Variants in ADGRV1 observed in about 807,000 individuals in gnomAD.
The protein encoded by ADGRV1 is adhesion G protein-coupled receptor V1.
In ADGRV1, 359 loss-of-function variants were observed where a neutral mutation model predicts 596.2. The observed-to-expected ratio is 0.60, with a 90% CI of 0.55 to 0.66. The LOEUF is 0.66. Among genes scored for constraint, ADGRV1 ranks in the 30% least tolerant of loss-of-function variants. The pLI is 0.00. For missense variants in ADGRV1, 7,274 were observed against 7,575.6 expected (o/e 0.96, Z 1.48); for synonymous variants, 2,681 against 2,679.2 (o/e 1.00, Z -0.02).
rs538750050 is a variant in ADGRV1, at chr5:91,031,403, G to A, written c.18153-41044G>A. ...TCTGCATGCTCTGTGCCATGGTCCC[G>A]AAAACCTTCCTGTTCCCATGGCCAG... On this transcript the variant is annotated intron_variant, in intron 85 of 89. Coordinates refer to ENST00000405460, the MANE Select transcript of ADGRV1 (RefSeq NM_032119.4). The A allele has an allele frequency of 3.2e-5, 31 of 970,794 alleles. No homozygotes were observed. In the African/African-American group the frequency reaches 3.9e-4, roughly 12 times the overall value. The allele number at this position is 970,794 out of a possible 1,614,324, so 60.1% of individuals were successfully genotyped here. A position where few individuals can be genotyped will look rare whatever the true frequency, so the allele number is the denominator to read the frequency against.
rs764478911 is a variant in ADGRV1 at position 91,102,323 on chromosome 5, A to G, written c.18415A>G (p.Ile6139Val). Residue 6139 changes from isoleucine to valine, a missense_variant, in exon 87 of 90, where the codon ATT becomes GTT. By Grantham distance (29) the Ile-to-Val change is conservative. This residue lies in a region of ADGRV1 where 1,874 missense variants were observed against 1,970.2 expected (regional missense o/e 0.95). Transcript: ENST00000405460. ...RHFWMLVLFV[I>V]FNSLQGLYVF... Reference sequence around the variant, plus strand: ...CTTCTGGATGTTGGTTCTCTTTGTCATTTTCAACAGTCTGCAGGTAAGCCT... The same window carrying G: ...CTTCTGGATGTTGGTTCTCTTTGTCGTTTTCAACAGTCTGCAGGTAAGCCT... 19 of 1,600,228 alleles carry G rather than the reference A, an allele frequency of 1.2e-5. No individual in the cohort carries two copies. The highest frequency in any genetic ancestry group is 1.6e-5 in the Non-Finnish European group (19 of 1,173,392).
At chr5:91,154,044 T>C (rs1311338193) in intron 89 of ADGRV1, among the ~76,000 whole-genome samples, 2 of 152,218 alleles carry the variant, frequency 1.3e-5, no homozygotes, top group African/African-American at 4.8e-5. Context: ...TATCATTCTT[T>C]CCAGTGTGTC....
chr5:90,569,745 AC>A (rs2151953130), intron 1 of ADGRV1, among the ~76,000 whole-genome samples: 1 of 151,626 alleles, frequency 6.6e-6, no homozygotes, highest in African/African-American at 2.4e-5. Flanking sequence ...ATTATTGGTT[AC>A]CCTGGGGATT....
chr5:91,127,617 GAC>G (rs1233473673), intron 87 of ADGRV1, among the ~76,000 whole-genome samples: 3 of 151,534 alleles, frequency 2.0e-5, no homozygotes, highest in African/African-American at 7.3e-5. Flanking sequence ...ATGTCTTAGA[GAC>G]ATATTTCTTC....
At chr5:90,916,771 T>C (rs1346166735) in intron 83 of ADGRV1, among the ~76,000 whole-genome samples, 2 of 148,522 alleles carry the variant, frequency 1.3e-5, no homozygotes, top group African/African-American at 4.9e-5. Flanking sequence ...TAGCTGGGAC[T>C]ACAGGCGCCC....
intron 38 of ADGRV1, among the ~76,000 whole-genome samples, chr5:90,708,473 A>T (rs1203866391): frequency 6.6e-6 from 1 of 151,584 alleles, no homozygotes; most frequent in East Asian, 1.9e-4. Context: ...TCCTCCTTCT[A>T]CACATTAGAT....
intron 1 of ADGRV1, among the ~76,000 whole-genome samples, chr5:90,589,775 T>C (rs1001793004): frequency 2.0e-4 from 31 of 152,130 alleles, no homozygotes; most frequent in African/African-American, 7.5e-4. Flanking sequence ...AGAGTTCTAA[T>C]TTCTGGAATT....
chr5:91,027,518 G>T (rs1428086472), intron 85 of ADGRV1, among the ~76,000 whole-genome samples: 1 of 152,174 alleles, frequency 6.6e-6, no homozygotes, highest in Non-Finnish European at 1.5e-5. Context: ...TACTGGGCTA[G>T]TTAGGACAGG....
chr5:90,683,171 T>A (rs569960789), intron 27 of ADGRV1, among the ~76,000 whole-genome samples: 2 of 152,190 alleles, frequency 1.3e-5, no homozygotes, highest in African/African-American at 4.8e-5. Context: ...CATCAATTTA[T>A]AGTTTCATGC....
At position 90,810,963 on chromosome 5, in the gene ADGRV1, A is replaced by G. The variant is rs969366330; in HGVS notation, c.15703A>G (p.Asn5235Asp). The change falls in exon 74 of 90, where the codon AAT becomes GAT. Residue 5235 changes from asparagine to aspartate, a missense_variant. By Grantham distance (23) the Asn-to-Asp change is conservative. Around this residue, in one of 5 missense-constraint regions of ADGRV1, gnomAD observed 1,874 missense variants for 1,970.2 expected, o/e 0.95. Coordinates refer to ENST00000405460, the MANE Select transcript of ADGRV1 (RefSeq NM_032119.4). ...SIVYIEEEMK[N>D]GTFNTAEVLI... ...TGTTTATATTGAAGAGGAGATGAAG[A>G]ATGGCACATTCAACACTGCAGAAGT... The G allele has an allele frequency of 1.9e-6, 3 of 1,614,042 alleles. No homozygotes were observed. The highest frequency in any genetic ancestry group is 2.5e-6 in the Non-Finnish European group (3 of 1,179,892).
intron 85 of ADGRV1, among the ~76,000 whole-genome samples, chr5:91,043,662 T>A (rs1785553462): frequency 6.6e-6 from 1 of 152,134 alleles, no homozygotes; most frequent in Non-Finnish European, 1.5e-5. Flanking sequence ...TTAAATAAGT[T>A]ATTCTAAGTG....
intron 85 of ADGRV1, among the ~76,000 whole-genome samples, chr5:91,035,013 C>A (rs1784752734): frequency 6.6e-6 from 1 of 152,132 alleles, no homozygotes; most frequent in Admixed American, 6.5e-5. Context: ...CTCAAGCAAT[C>A]CTCCCAAAGT....
chr5:90,820,283 A>C (rs1179629642), intron 75 of ADGRV1, among the ~76,000 whole-genome samples: 1 of 144,440 alleles, frequency 6.9e-6, no homozygotes, highest in South Asian at 2.4e-4. Flanking sequence ...ATCTTCCTCC[A>C]TCCTTTTATT....
Position 90,720,109 on chromosome 5 carries a change from C to T in ADGRV1, c.9509C>T (p.Thr3170Ile). The change falls in exon 44 of 90, where the codon ACC becomes ATC. Residue 3170 changes from threonine to isoleucine, a missense_variant. This residue lies in a region of ADGRV1 where 3,643 missense variants were observed against 3,809.2 expected (regional missense o/e 0.96). Transcript: ENST00000405460. The part of the protein sequence containing the change: ...EPEMDEYFVC[T>I]LFNPTGGARL... Reference sequence around the variant, plus strand: ...GAAATGGATGAGTATTTTGTTTGCACCTTGTTTAATCCAACTGGAGGTGCT... The same window carrying T: ...GAAATGGATGAGTATTTTGTTTGCATCTTGTTTAATCCAACTGGAGGTGCT... The T allele has an allele frequency of 6.2e-7, 1 of 1,613,722 alleles. No homozygotes were observed. Among genetic ancestry groups the T allele is most frequent in the East Asian group, 2.2e-5 (1 of 44,848 alleles).
Position 90,728,725 on chromosome 5 carries a change from T to C in ADGRV1, c.10218T>C (p.Gly3406=), listed in dbSNP as rs1176568413. The part of the protein sequence containing the change: ...FVLHQKLPVR[G]VLTVALFNKG... Reference sequence around the variant, plus strand: ...TGCATCAAAAACTCCCTGTCCGAGGTGTGCTGACCGTGGCCTTGTTCAACA... The same window carrying C: ...TGCATCAAAAACTCCCTGTCCGAGGCGTGCTGACCGTGGCCTTGTTCAACA... Residue 3406 remains glycine (G), a synonymous_variant, in exon 49 of 90, where the codon GGT becomes GGC. Transcript: ENST00000405460. The C allele has an allele frequency of 6.2e-7, 1 of 1,613,796 alleles. No homozygotes were observed. The highest frequency in any genetic ancestry group is 1.1e-5 in the South Asian group (1 of 91,068).
chr5:91,048,641 C>A (rs1468250963), intron 85 of ADGRV1, among the ~76,000 whole-genome samples: 1 of 152,130 alleles, frequency 6.6e-6, no homozygotes, highest in South Asian at 2.1e-4. Flanking sequence ...CTTTTCTAAA[C>A]TTTCTTTCTC....
At chr5:90,727,005 T>G (rs1280127735) in intron 48 of ADGRV1, among the ~76,000 whole-genome samples, 1 of 152,236 alleles carries the variant, frequency 6.6e-6, no homozygotes, top group Non-Finnish European at 1.5e-5. Flanking sequence ...GTTACTTCAG[T>G]GCTAGCTTTC....
intron 70 of ADGRV1, 64 bp from the exon 71 acceptor site, chr5:90,802,675 A>C (rs1262170423): frequency 4.1e-6 from 6 of 1,470,522 alleles, no homozygotes; most frequent in Non-Finnish European, 5.6e-6. Context: ...CTAATGGCTC[A>C]AGTCAAAGAA....
intron 53 of ADGRV1, among the ~76,000 whole-genome samples, chr5:90,751,237 A>G (rs183659429): frequency 6.6e-5 from 10 of 152,260 alleles, no homozygotes; most frequent in Admixed American, 3.9e-4. Context: ...TCCACAGGCA[A>G]TTGCAACTGA....
Sources: allele counts gnomAD v4.1 joint callset (sites outside exome capture counted in the v4.1 genomes callset), GRCh38; gene constraint gnomAD v4.1.1; regional missense constraint gnomAD v4.1.1; transcripts MANE v1.5; gene names NCBI Gene and HGNC (gene_info 2026-07-23, HGNC 2026-07-21).